KAT6B: variants seen among roughly 807,000 people sequenced by gnomAD.
KAT6B encodes lysine acetyltransferase 6B, also known as histone acetyltransferase KAT6B.
A neutral mutation model predicts 187.5 loss-of-function variants in KAT6B; 10 were observed. That is an observed-to-expected ratio of 0.05 (90% CI 0.03 to 0.09). The LOEUF is 0.09. Ranked by LOEUF, KAT6B falls within the 10% of genes least tolerant of loss-of-function variation. The pLI is 1.00. For missense variants in KAT6B, 1,952 were observed against 2,558.9 expected (o/e 0.76, Z 5.12); for synonymous variants, 861 against 926.8 (o/e 0.93, Z 1.29).
chr10:74,945,543 A>G (rs1589679721), intron 3 of KAT6B, among the ~76,000 whole-genome samples: 3 of 152,086 alleles, frequency 2.0e-5, no homozygotes. Context: ...GCTCACTGCA[A>G]CCTCCGCCTC....
rs878999333 is a variant in KAT6B, at chr10:75,030,845, C to T, written c.6021C>T (p.His2007=). 2 of 1,614,226 alleles carry T rather than the reference C, an allele frequency of 1.2e-6. No individual in the cohort carries two copies. Among genetic ancestry groups the T allele is most frequent in the African/African-American group, 1.3e-5 (1 of 75,068 alleles). ...AGCCAATGATGAACAGTGGCTACCA[C>T]AGCAATCATGGCTATATGAATCAAA... The part of the protein sequence containing the change: ...MSQPMMNSGY[H]SNHGYMNQTP... The change falls in exon 18 of 18, where the codon CAC becomes CAT. Residue 2007 remains histidine, a synonymous_variant. Coordinates refer to ENST00000287239, the MANE Select transcript of KAT6B (RefSeq NM_012330.4). The surrounding 1 kb of genome is among the most constrained non-coding windows in gnomAD (Gnocchi z 4.8).
chr10:74,893,223 T>C (rs1160125875), intron 3 of KAT6B, among the ~76,000 whole-genome samples: 1 of 152,192 alleles, frequency 6.6e-6, no homozygotes, highest in East Asian at 1.9e-4. Context: ...GAAGATATTT[T>C]ACAGGCTGCA....
chr10:74,853,433 A>G (rs1004247948), intron 3 of KAT6B, among the ~76,000 whole-genome samples: 1 of 151,508 alleles, frequency 6.6e-6, no homozygotes, highest in African/African-American at 2.4e-5. Context: ...AGCTTGGACT[A>G]CAGGCACACA....
intron 3 of KAT6B, among the ~76,000 whole-genome samples, chr10:74,947,955 A>G (rs545669846): frequency 6.6e-6 from 1 of 152,316 alleles, no homozygotes; most frequent in South Asian, 2.1e-4. Flanking sequence ...TGCCTGGCCT[A>G]AAGCATAAGG....
At chr10:74,833,891 G>A (rs1841068629) in intron 1 of KAT6B, among the ~76,000 whole-genome samples, 1 of 152,234 alleles carries the variant, frequency 6.6e-6, no homozygotes, top group Non-Finnish European at 1.5e-5. Context: ...TAAATATTCA[G>A]TTCAACCAGC....
intron 3 of KAT6B, among the ~76,000 whole-genome samples, chr10:74,907,312 A>G (rs1190857150): frequency 6.6e-6 from 1 of 152,232 alleles, no homozygotes; most frequent in Non-Finnish European, 1.5e-5. Context: ...GAGACTAGCC[A>G]GTACAGAAAT....
intron 11 of KAT6B, chr10:74,982,451 C>A (rs1842569725): frequency 6.3e-6 from 1 of 159,066 alleles, no homozygotes; most frequent in Non-Finnish European, 1.4e-5. Flanking sequence ...AAGAACTCTG[C>A]TGTTCACAGG....
Position 74,979,236 on chromosome 10 carries a change from G to C in KAT6B, c.2128G>C (p.Glu710Gln). The change falls in exon 10 of 18, where the codon GAG (glutamate) becomes CAG (glutamine). Residue 710 changes from glutamate to glutamine, a missense_variant. Physicochemically the swap from Glu to Gln is conservative, Grantham distance 29 (BLOSUM62 2). This residue lies in a region of KAT6B where 417 missense variants were observed against 508.9 expected (regional missense o/e 0.82). Coordinates refer to ENST00000287239, the MANE Select transcript of KAT6B (RefSeq NM_012330.4). ...QELSWEKIEC[E>Q]SGVEDCGRYP... ...TTCTATTTGACAGAAAATAGAGTGT[G>C]AGAGTGGGGTGGAAGACTGTGGCCG... 6.2e-7 allele frequency: 1 copy of C among 1,611,452 alleles called. No homozygotes were observed. The highest frequency in any genetic ancestry group is 8.5e-7 in the Non-Finnish European group (1 of 1,177,630).
At chr10:74,829,757 G>A (rs528053296) in intron 1 of KAT6B, among the ~76,000 whole-genome samples, 5 of 151,500 alleles carry the variant, frequency 3.3e-5, no homozygotes, top group African/African-American at 9.7e-5. Context: ...GGTGGCTCAC[G>A]CCTGTAATCC....
In KAT6B at chr10:75,031,157, A is replaced by G; in HGVS notation, c.*111A>G. ...CAGCAATTGGTGTGAATGCAAAAAC[A>G]TTTGTTGGCACCATTTATTTAAAAA... On this transcript the variant is annotated 3_prime_UTR_variant, in exon 18 of 18. Transcript: ENST00000287239. 3 of 1,200,966 alleles carry G rather than the reference A, an allele frequency of 2.5e-6. No homozygotes were observed. Among genetic ancestry groups the G allele is most frequent in the South Asian group, 2.6e-5 (2 of 75,524 alleles). The allele number at this position is 1,200,966 out of a possible 1,614,324, so 74.4% of individuals were successfully genotyped here.
chr10:74,866,552 A>G (rs1174405363), intron 3 of KAT6B, among the ~76,000 whole-genome samples: 1 of 152,186 alleles, frequency 6.6e-6, no homozygotes, highest in Non-Finnish European at 1.5e-5. Flanking sequence ...TTTACTTAAA[A>G]TTAAATTGCC....
At position 74,975,762 on chromosome 10, in the gene KAT6B, T is replaced by G; in HGVS notation, c.1425T>G (p.Thr475=). ...AGGTCTCTCAGAAACAGTCATGCACTTCTCATGTGTTGGCTACAGGTACCA... is the reference window on the plus strand; with the variant it reads ...AGGTCTCTCAGAAACAGTCATGCACGTCTCATGTGTTGGCTACAGGTACCA... The part of the protein sequence containing the change: ...RKKVSQKQSC[T]SHVLATGTTQ... The change falls in exon 8 of 18, where the codon ACT becomes ACG. Residue 475 remains threonine (T), a synonymous_variant. Transcript: ENST00000287239. The G allele has an allele frequency of 6.2e-7, 1 of 1,614,216 alleles. No individual in the cohort carries two copies. The highest frequency in any genetic ancestry group is 1.3e-5 in the African/African-American group (1 of 75,036).
At chr10:74,969,983 T>C in intron 5 of KAT6B, 37 bp from the exon 6 acceptor site, 1 of 1,488,838 alleles carries the variant, frequency 6.7e-7, no homozygotes, top group South Asian at 1.1e-5. Flanking sequence ...TACAGTTGGT[T>C]TCAGTCTCAA....
In KAT6B at chr10:75,027,274, T is replaced by A. The variant is rs537914185; in HGVS notation, c.3665-1215T>A. On this transcript the variant is annotated intron_variant, in intron 17 of 17. Coordinates refer to ENST00000287239, the MANE Select transcript of KAT6B (RefSeq NM_012330.4). Reference sequence around the variant, plus strand: ...TCAAGGAAACATTCTACATCACATATGTGTTCTTTTCAGCTGGTCGGTTTG... The same window carrying A: ...TCAAGGAAACATTCTACATCACATAAGTGTTCTTTTCAGCTGGTCGGTTTG... Among the ~76,000 whole-genome samples the A allele has an allele frequency of 7.2e-5, 11 of 152,360 alleles. No homozygotes were observed. The South Asian group carries it at 2.1e-3, about 29-fold the overall frequency.
At chr10:75,001,612 TCA>T (rs1486382362) in intron 13 of KAT6B, among the ~76,000 whole-genome samples, 2 of 152,214 alleles carry the variant, frequency 1.3e-5, no homozygotes, top group African/African-American at 2.4e-5. Context: ...CTACTAGTTT[TCA>T]CAGTCTGCCT....
rs117676898 is a variant in KAT6B, at chr10:74,885,307, C to G, written c.621+41829C>G. On this transcript the variant is annotated intron_variant, in intron 3 of 17. Coordinates refer to ENST00000287239, the MANE Select transcript of KAT6B (RefSeq NM_012330.4). The stretch of plus-strand genomic sequence containing the variant: ...AGCTGGTCTGGACTCCAGGCCTCAG[C>G]CTCCCAAAGGAGAAAATGTAAATTT... Among the ~76,000 whole-genome samples the G allele has an allele frequency of 8.3e-3, 1,261 of 152,154 alleles. 9 individuals carry two copies. Among genetic ancestry groups the G allele is most frequent in the South Asian group, 0.017 (82 of 4,810 alleles).
intron 5 of KAT6B, 98 bp from the exon 6 acceptor site, chr10:74,969,922 T>C (rs757515305): frequency 2.1e-5 from 22 of 1,042,326 alleles, no homozygotes; most frequent in Non-Finnish European, 3.3e-5. Flanking sequence ...TGGTGCACTT[T>C]CCTTATATTG....
chr10:75,009,774 G>A (rs1844467445), intron 13 of KAT6B, among the ~76,000 whole-genome samples: 1 of 152,198 alleles, frequency 6.6e-6, no homozygotes, highest in Non-Finnish European at 1.5e-5. Context: ...GGGAGGCTGG[G>A]GCAGGCAGAT....
At chr10:74,837,812 AGAGACTTCT>A (rs1841417976) in intron 1 of KAT6B, among the ~76,000 whole-genome samples, 1 of 151,798 alleles carries the variant, frequency 6.6e-6, no homozygotes, top group Non-Finnish European at 1.5e-5. Flanking sequence ...GCTACAGATA[AGAGACTTCT>A]GATTTTGTTC....
Sources: gnomAD v4.1 joint callset for allele counts (sites outside exome capture counted in the v4.1 genomes callset) on GRCh38, gnomAD v4.1.1 for gene constraint, gnomAD v4.1.1 regional missense constraint, Gnocchi (gnomAD v3.1) non-coding constraint, MANE v1.5 for transcripts, NCBI Gene and HGNC (gene_info 2026-07-23, HGNC 2026-07-21) for gene names.